Variants in CMTM4 observed in about 807,000 individuals in gnomAD.
The protein encoded by CMTM4 is CKLF like MARVEL transmembrane domain containing 4.
A neutral mutation model predicts 19.0 loss-of-function variants in CMTM4; 8 were observed. The observed-to-expected ratio is 0.42, with a 90% CI of 0.25 to 0.76. CMTM4 has a LOEUF of 0.76. Among genes scored for constraint, CMTM4 ranks in the 30% least tolerant of loss-of-function variants. The pLI, the probability that CMTM4 is intolerant of heterozygous loss-of-function variation, is 0.27. For missense variants in CMTM4, 228 were observed against 290.2 expected, an observed-to-expected ratio of 0.79 and a Z score of 1.56; for synonymous variants, 106 against 121.1, an observed-to-expected ratio of 0.88 and a Z score of 0.82.
chr16:66,612,654 T>C (rs1213226605), downstream of CMTM4: 1 of 1,613,534 alleles, frequency 6.2e-7, no homozygotes, highest in Non-Finnish European at 8.5e-7. The surrounding 1 kb of genome is among the most constrained non-coding windows in gnomAD (Gnocchi z 6.0). Context: ...GGCGGGTGCC[T>C]TGGCAACCTG....
At chr16:66,629,291 G>A (rs1446562027) in intron 2 of CMTM4, among the ~76,000 whole-genome samples, 4 of 152,130 alleles carry the variant, frequency 2.6e-5, no homozygotes, top group Admixed American at 6.5e-5. Context: ...GCAAGCACTC[G>A]ACCCATCCTT....
chr16:66,608,398 G>A, the CMTM4 span: 4 of 1,614,086 alleles, frequency 2.5e-6, no homozygotes, highest in African/African-American at 1.3e-5. This position sits in a 1 kb window ranked among gnomAD's most constrained non-coding sequence, Gnocchi z 5.1. Context: ...TGCTGGCCTT[G>A]TACTTCCTCT....
downstream of CMTM4, chr16:66,609,863 C>CCCATCCACCCTGT: frequency 6.2e-7 from 1 of 1,614,174 alleles, no homozygotes; most frequent in Non-Finnish European, 8.5e-7. This position sits in a 1 kb window ranked among gnomAD's most constrained non-coding sequence, Gnocchi z 4.4. Flanking sequence ...TGTGATGCAT[C>CCCATCCACCCTGT]CCATCCACCC....
In CMTM4 at chr16:66,616,950, C is replaced by A. The variant is rs934337207; in HGVS notation, c.*5108G>T. 1.5e-4 allele frequency: 30 copies of A among 202,976 alleles called. No homozygotes were observed. The highest frequency in any genetic ancestry group is 7.0e-4 in the African/African-American group (30 of 42,912). The allele number at this position is 202,976 out of a possible 1,614,324, so 12.6% of individuals were successfully genotyped here. A position where few individuals can be genotyped will look rare whatever the true frequency, so the allele number is the denominator to read the frequency against. On this transcript the variant is annotated 3_prime_UTR_variant, in exon 4 of 4. Coordinates refer to ENST00000394106, the MANE Select transcript of CMTM4 (RefSeq NM_181521.3). ...ATCTCACACAAACCATTATCAGAAT[C>A]TTGTTTCACACCATCTCTCTTTTCA...
chr16:66,695,941 C>A (rs749641301), intron 1 of CMTM4, among the ~76,000 whole-genome samples: 1 of 152,226 alleles, frequency 6.6e-6, no homozygotes, highest in Non-Finnish European at 1.5e-5. Flanking sequence ...CAGGCAGAAA[C>A]AGGCACCGTC....
intron 1 of CMTM4, among the ~76,000 whole-genome samples, chr16:66,672,241 T>C (rs1031000242): frequency 6.9e-6 from 1 of 144,640 alleles, no homozygotes; most frequent in Non-Finnish European, 1.5e-5. Context: ...CTACTAAAAA[T>C]ACAAAAAAAA....
At position 66,626,482 on chromosome 16, in the gene CMTM4, T is replaced by C. The variant is rs897801294; in HGVS notation, c.364-2980A>G. 3.3e-5 allele frequency among the ~76,000 whole-genome samples: 5 copies of C among 152,190 alleles called. No individual in the cohort carries two copies. The East Asian group carries it at 5.8e-4, about 18-fold the overall frequency. Reference sequence around the variant, plus strand: ...TAGCCAGGCACGGTGGCATGCACCATGTAGTCCCAGTTACTCGGCAGGCTG... The same window carrying C: ...TAGCCAGGCACGGTGGCATGCACCACGTAGTCCCAGTTACTCGGCAGGCTG... On this transcript the variant is annotated intron_variant, in intron 2 of 3. Transcript: ENST00000394106.
intron 1 of CMTM4, among the ~76,000 whole-genome samples, chr16:66,679,679 C>T (rs1322820482): frequency 6.6e-6 from 1 of 151,906 alleles, no homozygotes; most frequent in Non-Finnish European, 1.5e-5. Context: ...TAAAAATCAG[C>T]CGGGCGTGGT....
Position 66,617,543 on chromosome 16 carries a change from T to G in CMTM4, c.*4515A>C. On this transcript the variant is annotated 3_prime_UTR_variant, in exon 4 of 4. Transcript: ENST00000394106. ...AACATTCACTTTCGGAAGAAAATTT[T>G]TCTAGACCTAACAGATATTGACGGT... is the stretch of plus-strand genomic sequence containing the variant. The G allele has an allele frequency of 7.3e-7, 1 of 1,372,184 alleles. No homozygotes were observed. Among genetic ancestry groups the G allele is most frequent in the Non-Finnish European group, 9.4e-7 (1 of 1,063,554 alleles). The allele number at this position is 1,372,184 out of a possible 1,614,324, so 85.0% of individuals were successfully genotyped here.
chr16:66,635,966 T>G (rs184809289), intron 2 of CMTM4, among the ~76,000 whole-genome samples: 2 of 152,318 alleles, frequency 1.3e-5, no homozygotes, highest in South Asian at 4.1e-4. Context: ...CCTAGTTGCT[T>G]TGAATTTAAT....
At chr16:66,608,700 G>C in the CMTM4 span, among the ~76,000 whole-genome samples, 1 of 152,222 alleles carries the variant, frequency 6.6e-6, no homozygotes, top group Non-Finnish European at 1.5e-5. This position sits in a 1 kb window ranked among gnomAD's most constrained non-coding sequence, Gnocchi z 5.1. Context: ...GGAACCCGGA[G>C]AGGGGTCTCT....
intron 1 of CMTM4, among the ~76,000 whole-genome samples, chr16:66,663,793 G>A (rs976993823): frequency 2.6e-5 from 4 of 151,630 alleles, no homozygotes; most frequent in Non-Finnish European, 5.9e-5. Context: ...CACCCACCTC[G>A]GCCTCCCAAA....
chr16:66,687,661 C>A (rs535152935), intron 1 of CMTM4, among the ~76,000 whole-genome samples: 2 of 151,570 alleles, frequency 1.3e-5, no homozygotes, highest in African/African-American at 4.8e-5. Flanking sequence ...GTTGCTATAA[C>A]CAAATACCGT....
At position 66,696,636 on chromosome 16, in the gene CMTM4, T is replaced by C. The variant is rs1210325673; in HGVS notation, c.-111A>G. 7 of 568,908 alleles carry C rather than the reference T, an allele frequency of 1.2e-5. No individual in the cohort carries two copies. The highest frequency in any genetic ancestry group is 2.9e-4 in the East Asian group (2 of 6,816). 35.2% of individuals were successfully genotyped at this position (568,908 alleles called of 1,614,324 possible). A position where few individuals can be genotyped will look rare whatever the true frequency, so the allele number is the denominator to read the frequency against. On this transcript the variant is annotated 5_prime_UTR_variant, in exon 1 of 4. Coordinates refer to ENST00000394106, the MANE Select transcript of CMTM4 (RefSeq NM_181521.3). This position sits in a 1 kb window ranked among gnomAD's most constrained non-coding sequence, Gnocchi z 4.3. ...GCCGCCGCCGCCGCCGCCGCCCGAC[T>C]GACTGCCCGCGGCCCGCCCGCCGCC...
In CMTM4 at chr16:66,621,265, G is replaced by A. The variant is rs1475190312; in HGVS notation, c.*793C>T. The A allele has an allele frequency of 1.0e-6, 1 of 985,382 alleles. No homozygotes were observed. The highest frequency in any genetic ancestry group is 1.2e-6 in the Non-Finnish European group (1 of 829,940). 61.0% of individuals were successfully genotyped at this position (985,382 alleles called of 1,614,324 possible). ...GTGCTTTGGCTGGTGGAGTAGGCTT[G>A]TTTCTTTCATGGCTTTTACCTGAGA... On this transcript the variant is annotated 3_prime_UTR_variant, in exon 4 of 4. Transcript: ENST00000394106.
chr16:66,673,303 G>A (rs2016747995), intron 1 of CMTM4, among the ~76,000 whole-genome samples: 1 of 144,724 alleles, frequency 6.9e-6, no homozygotes, highest in Non-Finnish European at 1.5e-5. Context: ...AACCTCCTAA[G>A]CTCAAGCAAT....
In CMTM4 at chr16:66,623,550, T is replaced by G. The variant is rs1191593259; in HGVS notation, c.364-48A>C. ...CCAAGTGAAAAGAACCATTCCATCT[T>G]TGCTCTAAAAGCAACTGGAGAACTT... On this transcript the variant is annotated intron_variant, in intron 2 of 3. Transcript: ENST00000394106. The G allele has an allele frequency of 5.7e-6, 8 of 1,399,888 alleles. No homozygotes were observed. In the Admixed American group the frequency reaches 1.7e-4, roughly 29 times the overall value. The allele number at this position is 1,399,888 out of a possible 1,614,324, so 86.7% of individuals were successfully genotyped here. A position where few individuals can be genotyped will look rare whatever the true frequency, so the allele number is the denominator to read the frequency against.
the CMTM4 span, among the ~76,000 whole-genome samples, chr16:66,607,620 G>A: frequency 1.8e-4 from 27 of 152,284 alleles, no homozygotes; most frequent in Admixed American, 2.6e-4. Flanking sequence ...ATTCAGTGAC[G>A]AGCACACGTC....
At chr16:66,603,743 G>A in the CMTM4 span, 14 of 152,274 alleles carry the variant, frequency 9.2e-5, no homozygotes, top group African/African-American at 2.7e-4. Context: ...AAAACCTAAG[G>A]GCCTCTTAAA....
Sources: gnomAD v4.1 joint callset for allele counts (sites outside exome capture counted in the v4.1 genomes callset) on GRCh38, gnomAD v4.1.1 for gene constraint, Gnocchi (gnomAD v3.1) non-coding constraint, MANE v1.5 for transcripts, NCBI Gene and HGNC (gene_info 2026-07-23, HGNC 2026-07-21) for gene names.